Variants in DNAJC16 observed in about 807,000 individuals in gnomAD.
DNAJC16 encodes the protein DnaJ heat shock protein family (Hsp40) member C16.
DNAJC16 carries 76 observed loss-of-function variants against 92.7 expected under a neutral mutation model. The observed-to-expected ratio is 0.82, with a 90% CI of 0.68 to 0.99. DNAJC16 has a LOEUF of 0.99. Ranked by LOEUF, DNAJC16 falls within the 50% of genes least tolerant of loss-of-function variation. The probability of loss-of-function intolerance (pLI) is 0.00; values close to 1 mark genes in which losing one functional copy is unlikely to be tolerated. For missense variants in DNAJC16, 869 were observed against 942.4 expected, an observed-to-expected ratio of 0.92 and a Z score of 1.02; for synonymous variants, 328 against 358.7, an observed-to-expected ratio of 0.91 and a Z score of 0.97.
chr1:15,567,370 CCATACAGCAA>C (rs1638843962), intron 14 of DNAJC16, 101 bp downstream of exon 14: 4 of 1,225,726 alleles, frequency 3.3e-6, no homozygotes, highest in Admixed American at 2.0e-5. Context: ...GGGGCTTCAT[CCATACAGCAA>C]GATGCTGGCT....
chr1:15,553,785 T>C (rs149237745), intron 7 of DNAJC16, among the ~76,000 whole-genome samples: 1 of 152,328 alleles, frequency 6.6e-6, no homozygotes, highest in Non-Finnish European at 1.5e-5. Flanking sequence ...GATTCGTCTT[T>C]GCATTTTTGG....
At chr1:15,556,528 T>C (rs921767706) in intron 7 of DNAJC16, among the ~76,000 whole-genome samples, 1 of 152,246 alleles carries the variant, frequency 6.6e-6, no homozygotes, top group African/African-American at 2.4e-5. Context: ...CCAGCCTTGA[T>C]TTTGAAACAA....
At chr1:15,558,251 G>T (rs1407100493) in intron 7 of DNAJC16, among the ~76,000 whole-genome samples, 4 of 140,360 alleles carry the variant, frequency 2.8e-5, no homozygotes, top group Non-Finnish European at 6.0e-5. Flanking sequence ...TGTGATCCTA[G>T]CTCACTGCAG....
rs777311874 is a variant in DNAJC16, at chr1:15,548,250, T to C, written c.865-20T>C. On this transcript the variant is annotated intron_variant, in intron 6 of 14. Coordinates refer to ENST00000375847, the MANE Select transcript of DNAJC16 (RefSeq NM_015291.4). ...CTTTGCTGTAGTTTTATTTTCTTCCTCTCTATTATGCCCTAACAGTTGACT... is the reference window on the plus strand; with the variant it reads ...CTTTGCTGTAGTTTTATTTTCTTCCCCTCTATTATGCCCTAACAGTTGACT... 4 of 1,606,080 alleles carry C rather than the reference T, an allele frequency of 2.5e-6. No individual in the cohort carries two copies. Among genetic ancestry groups the C allele is most frequent in the East Asian group, 2.2e-5 (1 of 44,816 alleles).
Position 15,570,781 on chromosome 1 carries a change from CTTTTGCGTCAAACATA to C in DNAJC16, c.*2606_*2621del, listed in dbSNP as rs1638931233. 1 of 152,188 alleles carries C rather than the reference CTTTTGCGTCAAACATA, an allele frequency of 6.6e-6. No individual in the cohort carries two copies. The highest frequency in any genetic ancestry group is 1.5e-5 in the Non-Finnish European group (1 of 68,034). The allele number at this position is 152,188 out of a possible 1,614,324, so 9.4% of individuals were successfully genotyped here. A position where few individuals can be genotyped will look rare whatever the true frequency, so the allele number is the denominator to read the frequency against. The stretch of plus-strand genomic sequence containing the variant: ...CTGAATGCATCCATGAATTTGTTTA[CTTTTGCGTCAAACATA>C]TGAGCCATTGTCATGCTCAGCCTGT... On this transcript the variant is annotated 3_prime_UTR_variant, in exon 15 of 15. Coordinates refer to ENST00000375847, the MANE Select transcript of DNAJC16 (RefSeq NM_015291.4).
Position 15,568,190 on chromosome 1 carries a change from A to G in DNAJC16, c.*13A>G. ...TGAACTAGACTGAGAGGATTTTCCA[A>G]AGAGATTTGAACTCTTCAGACTTTT... On this transcript the variant is annotated 3_prime_UTR_variant, in exon 15 of 15. Transcript: ENST00000375847. 1.9e-6 allele frequency: 3 copies of G among 1,588,184 alleles called. No homozygotes were observed. The highest frequency in any genetic ancestry group is 2.7e-5 in the African/African-American group (2 of 73,854).
chr1:15,534,328 A>C, intron 3 of DNAJC16, 25 bp downstream of exon 3: 1 of 1,611,446 alleles, frequency 6.2e-7, no homozygotes, highest in Non-Finnish European at 8.5e-7. Context: ...TTTGTGATGC[A>C]TCCATTAGCT....
At chr1:15,551,411 G>A (rs150495262) in intron 7 of DNAJC16, among the ~76,000 whole-genome samples, 105 of 152,224 alleles carry the variant, frequency 6.9e-4, no homozygotes, top group African/African-American at 2.5e-3. Context: ...ATTTAGACTC[G>A]GGAATTTGGC....
At chr1:15,527,359 TTAAA>T (rs1293135525) in intron 1 of DNAJC16, among the ~76,000 whole-genome samples, 1 of 152,108 alleles carries the variant, frequency 6.6e-6, no homozygotes, top group Non-Finnish European at 1.5e-5. Flanking sequence ...ACTGACATGG[TTAAA>T]TAAGGCAGCG....
At chr1:15,532,810 A>T (rs958583659) in intron 2 of DNAJC16, among the ~76,000 whole-genome samples, 1 of 152,066 alleles carries the variant, frequency 6.6e-6, no homozygotes, top group Non-Finnish European at 1.5e-5. Context: ...ACTAATACTC[A>T]TAGCAAGGAT....
rs1557569776 is a variant in DNAJC16, at chr1:15,534,323, G to A, written c.234+20G>A. On this transcript the variant is annotated intron_variant, in intron 3 of 14. Coordinates refer to ENST00000375847, the MANE Select transcript of DNAJC16 (RefSeq NM_015291.4). ...TACGAGGTATCGTGTCCAGCTTTGT[G>A]ATGCATCCATTAGCTCTTACAAAAT... 6.2e-7 allele frequency: 1 copy of A among 1,612,732 alleles called. No homozygotes were observed. The highest frequency in any genetic ancestry group is 2.2e-5 in the East Asian group (1 of 44,870).
At chr1:15,552,119 G>A (rs1022827754) in intron 7 of DNAJC16, among the ~76,000 whole-genome samples, 11 of 151,862 alleles carry the variant, frequency 7.2e-5, no homozygotes, top group Non-Finnish European at 1.0e-4. Flanking sequence ...TGGTCCTCCT[G>A]CCTGGGCCTC....
intron 12 of DNAJC16, 33 bp downstream of exon 12, chr1:15,566,032 A>G: frequency 6.2e-7 from 1 of 1,606,756 alleles, no homozygotes; most frequent in Non-Finnish European, 8.5e-7. Flanking sequence ...GTGCACCACC[A>G]TGGTTGGTGT....
At chr1:15,566,860 G>A (rs1638821947) in intron 13 of DNAJC16, among the ~76,000 whole-genome samples, 1 of 152,124 alleles carries the variant, frequency 6.6e-6, no homozygotes, top group African/African-American at 2.4e-5. Context: ...CTCAAGCCTG[G>A]AAAACAGAGC....
intron 7 of DNAJC16, among the ~76,000 whole-genome samples, chr1:15,557,415 A>G (rs1638591629): frequency 6.6e-6 from 1 of 152,068 alleles, no homozygotes; most frequent in Non-Finnish European, 1.5e-5. Context: ...GGTTGGTTTT[A>G]CCAGAGGCTT....
intron 8 of DNAJC16, among the ~76,000 whole-genome samples, chr1:15,560,930 A>G (rs1638676497): frequency 3.3e-5 from 5 of 151,936 alleles, no homozygotes; most frequent in Admixed American, 3.3e-4. Flanking sequence ...GAAAATGCAA[A>G]TCAGATCCAG....
intron 7 of DNAJC16, among the ~76,000 whole-genome samples, chr1:15,558,974 C>G (rs1053981065): frequency 6.6e-6 from 1 of 152,134 alleles, no homozygotes; most frequent in Non-Finnish European, 1.5e-5. Context: ...GAGTCTCGCT[C>G]TGTCGCCCAG....
At position 15,566,129 on chromosome 1, in the gene DNAJC16, C is replaced by T; in HGVS notation, c.1727C>T (p.Ala576Val). 1 of 1,613,892 alleles carries T rather than the reference C, an allele frequency of 6.2e-7. No homozygotes were observed. Among genetic ancestry groups the T allele is most frequent in the Non-Finnish European group, 8.5e-7 (1 of 1,179,984 alleles). The stretch of plus-strand genomic sequence containing the variant: ...TCAAGCCCTCCAGAAAAAGAGGAAG[C>T]CCAAGAGAAGACTGGGAAAACTGAG... The part of the protein sequence containing the change: ...RESSPPEKEE[A>V]QEKTGKTEPS... The change falls in exon 13 of 15, where the codon GCC (alanine) becomes GTC (valine). Residue 576 changes from alanine to valine, a missense_variant. Coordinates refer to ENST00000375847, the MANE Select transcript of DNAJC16 (RefSeq NM_015291.4).
At chr1:15,529,816 T>C (rs758981358) in intron 2 of DNAJC16, among the ~76,000 whole-genome samples, 2 of 152,156 alleles carry the variant, frequency 1.3e-5, no homozygotes, top group Non-Finnish European at 2.9e-5. Context: ...ACCAAAGTCA[T>C]TGGATGCTCA....
Sources: gnomAD v4.1 joint callset for allele counts (sites outside exome capture counted in the v4.1 genomes callset) on GRCh38, gnomAD v4.1.1 for gene constraint, MANE v1.5 for transcripts, NCBI Gene and HGNC (gene_info 2026-07-23, HGNC 2026-07-21) for gene names.